Variants in ACSM6 observed in about 807,000 individuals in gnomAD.
ACSM6 encodes the protein acyl-CoA synthetase medium chain family member 6, also known as acyl-coenzyme A synthetase ACSM6, mitochondrial.
ACSM6 carries 35 observed loss-of-function variants against 51.1 expected under a neutral mutation model. The observed-to-expected ratio is 0.69, with a 90% CI of 0.52 to 0.91. The LOEUF is 0.91. Ranked by LOEUF, ACSM6 falls within the 40% of genes least tolerant of loss-of-function variation. ACSM6 has a pLI of 0.00. For missense variants in ACSM6, 509 were observed against 584.1 expected, an observed-to-expected ratio of 0.87 and a Z score of 1.32; for synonymous variants, 172 against 207.3, an observed-to-expected ratio of 0.83 and a Z score of 1.46.
rs745528862 is a variant in ACSM6 at position 95,207,463 on chromosome 10, CTT to C, written c.611+50_611+51del. On this transcript the variant is annotated intron_variant, in intron 4 of 10. Transcript: ENST00000341686. ...ATGCTTAAATGAAGGAAATGTTTGA[CTT>C]TGAAAGATGATGATATATGAGAAAG... 1.4e-4 allele frequency: 223 copies of C among 1,571,204 alleles called. 5 individuals carry two copies. In the South Asian group the frequency reaches 1.6e-3, roughly 11 times the overall value.
chr10:95,201,912 C>T, intron 2 of ACSM6, 73 bp from the exon 3 acceptor site: 1 of 1,333,770 alleles, frequency 7.5e-7, no homozygotes, highest in Non-Finnish European at 1.1e-6. Flanking sequence ...AGGGTGCTGT[C>T]TGGCAACAGT....
rs1261926189 is a variant in ACSM6 at position 95,207,233 on chromosome 10, C to G, written c.429C>G (p.Pro143=). 13 of 1,614,098 alleles carry G rather than the reference C, an allele frequency of 8.1e-6. 1 individual carries two copies. The South Asian group carries it at 1.4e-4, about 18-fold the overall frequency. The change falls in exon 4 of 11, where the codon CCC becomes CCG. Residue 143 remains proline, a synonymous_variant. Transcript: ENST00000341686. ...GAATCACCTTTGTGCCTGGGAGCCC[C>G]CAGCTGACTGCCAAGAAAATTCGCT... is the stretch of plus-strand genomic sequence containing the variant.
intron 5 of ACSM6, among the ~76,000 whole-genome samples, 157 bp downstream of exon 5, chr10:95,210,950 A>C (rs534855529): frequency 6.6e-6 from 1 of 152,362 alleles, no homozygotes; most frequent in Non-Finnish European, 1.5e-5. Flanking sequence ...CCAAAAGATG[A>C]AAAGCAAATT....
intron 4 of ACSM6, among the ~76,000 whole-genome samples, chr10:95,209,881 ATAAATAAAGTTT>A (rs1441759157): frequency 6.6e-6 from 1 of 152,100 alleles, no homozygotes; most frequent in African/African-American, 2.4e-5. Context: ...GCCTATTTTT[ATAAATAAAGTTT>A]TATTGGAACC....
chr10:95,208,933 T>TA (rs34370150), intron 4 of ACSM6, among the ~76,000 whole-genome samples: 7,910 of 33,856 alleles, frequency 0.23, 2,429 homozygotes, highest in East Asian at 0.79. Flanking sequence ...CAGGGATGTT[T>TA]AAAAAAAAAA....
chr10:95,202,312 G>A (rs1212400608), intron 3 of ACSM6, 117 bp downstream of exon 3: 5 of 930,758 alleles, frequency 5.4e-6, no homozygotes, highest in Non-Finnish European at 8.4e-6. Flanking sequence ...TCTTCCCACA[G>A]TGTGGGGGAT....
chr10:95,209,552 C>A (rs897515232), intron 4 of ACSM6, among the ~76,000 whole-genome samples: 1 of 151,804 alleles, frequency 6.6e-6, no homozygotes, highest in African/African-American at 2.4e-5. Context: ...CCGGTGTGGA[C>A]CATGGTGGTG....
chr10:95,220,024 G>T, intron 9 of ACSM6, 53 bp downstream of exon 9: 1 of 1,401,622 alleles, frequency 7.1e-7, no homozygotes, highest in Non-Finnish European at 1.0e-6. Flanking sequence ...AGCTCTTACA[G>T]TTGTTTATCT....
chr10:95,201,517 A>G, intron 2 of ACSM6: 1 of 455,864 alleles, frequency 2.2e-6, no homozygotes, highest in Non-Finnish European at 4.4e-6. Context: ...GTAATATTCC[A>G]TGTTGTATGT....
intron 5 of ACSM6, 127 bp from the exon 6 acceptor site, chr10:95,211,751 C>A: frequency 9.7e-7 from 1 of 1,026,040 alleles, no homozygotes; most frequent in Non-Finnish European, 1.4e-6. Context: ...CATAAATAGG[C>A]TTTGCCTGTT....
At chr10:95,207,329 C>T (rs1461980285) in exon 4 of ACSM6, 12 of 1,614,116 alleles carry the variant, frequency 7.4e-6, no homozygotes, top group Admixed American at 1.7e-5. Flanking sequence ...TAAACTCTGC[C>T]GTGTCCGACT....
rs1210615491 is a variant in ACSM6 at position 95,202,956 on chromosome 10, AAGAC to A, written c.403+765_403+768del. ...TCTGTCTCAAAAAAAAAAAAAAAAA[AAGAC>A]AGAGAAGGTAGGAATATCTCTAAAG... is the stretch of plus-strand genomic sequence containing the variant. On this transcript the variant is annotated intron_variant, in intron 3 of 10. Coordinates refer to ENST00000341686, the Ensembl canonical transcript of ACSM6. Among the ~76,000 whole-genome samples, 4 of 151,652 alleles carry A rather than the reference AAGAC, an allele frequency of 2.6e-5. No individual in the cohort carries two copies. In the East Asian group the frequency reaches 5.8e-4, roughly 22 times the overall value.
chr10:95,202,716 A>G (rs2034806800), intron 3 of ACSM6, among the ~76,000 whole-genome samples: 1 of 151,990 alleles, frequency 6.6e-6, no homozygotes, highest in Admixed American at 6.6e-5. Context: ...CTGAGCTTAG[A>G]AGTTTGAGAC....
At chr10:95,199,949 C>T (rs1239534523) in intron 2 of ACSM6, among the ~76,000 whole-genome samples, 3 of 152,194 alleles carry the variant, frequency 2.0e-5, no homozygotes, top group Admixed American at 6.5e-5. Context: ...TGTGGCCGTT[C>T]CTCAGGGATC....
At chr10:95,201,849 C>T in intron 2 of ACSM6, 136 bp from the exon 3 acceptor site, 1 of 685,870 alleles carries the variant, frequency 1.5e-6, no homozygotes, top group Non-Finnish European at 2.5e-6. Flanking sequence ...AGTTGAGAAA[C>T]AGTAGCTCCC....
chr10:95,210,002 A>G (rs2034878457), intron 4 of ACSM6, among the ~76,000 whole-genome samples: 1 of 152,310 alleles, frequency 6.6e-6, no homozygotes, highest in African/African-American at 2.4e-5. Context: ...CCTGAATCCC[A>G]TTCCTAAATC....
chr10:95,212,861 C>A (rs772999127), exon 7 of ACSM6: 1 of 1,612,520 alleles, frequency 6.2e-7, no homozygotes, highest in Admixed American at 1.7e-5. Flanking sequence ...GGCCCAGGTC[C>A]TGTCCAGATT....
chr10:95,208,713 T>C (rs2034866002), intron 4 of ACSM6, among the ~76,000 whole-genome samples: 1 of 152,136 alleles, frequency 6.6e-6, no homozygotes, highest in African/African-American at 2.4e-5. Context: ...TTTTTGTTTT[T>C]AATCTCTTAC....
At chr10:95,209,818 AT>A (rs532866954) in intron 4 of ACSM6, among the ~76,000 whole-genome samples, 57 of 151,904 alleles carry the variant, frequency 3.8e-4, no homozygotes, top group South Asian at 6.2e-4. Context: ...GAATAATTTA[AT>A]TTTTTTTAAT....
Sources: allele counts gnomAD v4.1 joint callset (sites outside exome capture counted in the v4.1 genomes callset), GRCh38; gene constraint gnomAD v4.1.1; transcripts MANE v1.5; gene names NCBI Gene and HGNC (gene_info 2026-07-23, HGNC 2026-07-21).